Variants in ATOSA observed in about 807,000 individuals in gnomAD.
ATOSA encodes atos homolog A.
At chr15:52,615,737 C>G in the ATOSA span, among the ~76,000 whole-genome samples, 1 of 152,072 alleles carries the variant, frequency 6.6e-6, no homozygotes. Flanking sequence ...TATTTTAAGA[C>G]CATTCAGAAA....
At chr15:52,609,810 C>T in the ATOSA span, 1 of 1,613,238 alleles carries the variant, frequency 6.2e-7, no homozygotes, top group Admixed American at 1.7e-5. Context: ...CTTGCCGCTC[C>T]TGAATTAAAG....
the ATOSA span, among the ~76,000 whole-genome samples, chr15:52,613,152 G>A: frequency 6.6e-6 from 1 of 152,096 alleles, no homozygotes; most frequent in African/African-American, 2.4e-5. Flanking sequence ...CGGATCATGA[G>A]GTCAGGAGTT....
the ATOSA span, among the ~76,000 whole-genome samples, chr15:52,694,044 T>A: frequency 1.3e-5 from 2 of 152,144 alleles, no homozygotes; most frequent in Non-Finnish European, 2.9e-5. Context: ...TTTATACATA[T>A]CCTCCAAATA....
At chr15:52,683,190 G>C in the ATOSA span, among the ~76,000 whole-genome samples, 1 of 152,054 alleles carries the variant, frequency 6.6e-6, no homozygotes, top group Non-Finnish European at 1.5e-5. Flanking sequence ...TTTTGTGACA[G>C]TAACTGTGCT....
the ATOSA span, among the ~76,000 whole-genome samples, chr15:52,672,512 A>G: frequency 6.6e-6 from 1 of 152,182 alleles, no homozygotes; most frequent in African/African-American, 2.4e-5. Flanking sequence ...AAAAAAAAAA[A>G]AACCAGTATT....
the ATOSA span, among the ~76,000 whole-genome samples, chr15:52,659,468 A>G: frequency 1.3e-5 from 2 of 152,360 alleles, no homozygotes; most frequent in South Asian, 4.1e-4. Flanking sequence ...TTGTCAAAAT[A>G]TGGGTGTTTG....
At chr15:52,608,871 A>AT in the ATOSA span, 19 of 1,607,636 alleles carry the variant, frequency 1.2e-5, no homozygotes, top group African/African-American at 4.0e-5. Context: ...TTTTTGAGTC[A>AT]TTTTTTTTGG....
At chr15:52,658,866 G>GT in the ATOSA span, 1 of 381,324 alleles carries the variant, frequency 2.6e-6, no homozygotes, top group Non-Finnish European at 4.6e-6. Context: ...CACACCTGTA[G>GT]TACCAGCTTC....
chr15:52,672,871 T>C, the ATOSA span, among the ~76,000 whole-genome samples: 8 of 152,318 alleles, frequency 5.3e-5, no homozygotes, highest in South Asian at 1.7e-3. Context: ...AGATGGGGTA[T>C]CTCTACGTCA....
chr15:52,687,967 T>C, the ATOSA span, among the ~76,000 whole-genome samples: 1 of 152,196 alleles, frequency 6.6e-6, no homozygotes, highest in Non-Finnish European at 1.5e-5. Flanking sequence ...GTCTCTGCCA[T>C]TACCATGAAA....
At chr15:52,667,873 G>T in the ATOSA span, among the ~76,000 whole-genome samples, 1 of 152,154 alleles carries the variant, frequency 6.6e-6, no homozygotes, top group Non-Finnish European at 1.5e-5. Context: ...ACCTTACTCC[G>T]GTTAGAATGG....
the ATOSA span, among the ~76,000 whole-genome samples, chr15:52,635,134 C>T: frequency 6.6e-6 from 1 of 152,168 alleles, no homozygotes; most frequent in South Asian, 2.1e-4. Flanking sequence ...AACAACATAG[C>T]TTCAAAATGT....
chr15:52,639,608 G>C, the ATOSA span, among the ~76,000 whole-genome samples: 1 of 152,156 alleles, frequency 6.6e-6, no homozygotes, highest in East Asian at 1.9e-4. Context: ...AAAAACAGTT[G>C]AATTATTTCA....
At chr15:52,648,810 C>G in the ATOSA span, 2 of 152,082 alleles carry the variant, frequency 1.3e-5, no homozygotes, top group Non-Finnish European at 2.9e-5. Context: ...TTTTTATACT[C>G]TATCTTGACT....
the ATOSA span, among the ~76,000 whole-genome samples, chr15:52,589,444 G>C: frequency 1.3e-5 from 2 of 151,940 alleles, no homozygotes; most frequent in Non-Finnish European, 2.9e-5. Flanking sequence ...AATACATACA[G>C]TAAAACTGGT....
At chr15:52,702,369 C>G in the ATOSA span, among the ~76,000 whole-genome samples, 5 of 152,110 alleles carry the variant, frequency 3.3e-5, no homozygotes, top group African/African-American at 9.7e-5. Context: ...AGGTGCCCAA[C>G]AAGTGAGCTG....
the ATOSA span, among the ~76,000 whole-genome samples, chr15:52,606,557 C>T: frequency 3.3e-5 from 5 of 152,140 alleles, no homozygotes; most frequent in South Asian, 1.0e-3. Flanking sequence ...AAGGGGCACA[C>T]AGTAAATTGT....
the ATOSA span, among the ~76,000 whole-genome samples, chr15:52,666,050 A>T: frequency 6.6e-6 from 1 of 152,192 alleles, no homozygotes; most frequent in Non-Finnish European, 1.5e-5. Flanking sequence ...TGGCACCCAA[A>T]ACATGAACTG....
At chr15:52,698,246 T>C in the ATOSA span, among the ~76,000 whole-genome samples, 1 of 152,084 alleles carries the variant, frequency 6.6e-6, no homozygotes, top group Non-Finnish European at 1.5e-5. Context: ...CCCAAAGTGC[T>C]GGGATTACAG....
Sources: allele counts gnomAD v4.1 joint callset (sites outside exome capture counted in the v4.1 genomes callset), GRCh38; gene constraint gnomAD v4.1.1; transcripts MANE v1.5; gene names NCBI Gene and HGNC (gene_info 2026-07-23, HGNC 2026-07-21).